DIAPH1: variants seen among roughly 807,000 people sequenced by gnomAD.
The protein encoded by DIAPH1 is protein diaphanous homolog 1.
DIAPH1 carries 46 observed loss-of-function variants against 140.7 expected under a neutral mutation model. That is an observed-to-expected ratio of 0.33 (90% confidence interval 0.26 to 0.42). The LOEUF (loss-of-function observed/expected upper bound fraction) is 0.42, where lower values mean the gene tolerates loss of function less well. Ranked by LOEUF, DIAPH1 falls within the 10% of genes least tolerant of loss-of-function variation. The probability of loss-of-function intolerance (pLI) is 1.00; values close to 1 mark genes in which losing one functional copy is unlikely to be tolerated. For missense variants in DIAPH1, 1,310 were observed against 1,558.7 expected, an observed-to-expected ratio of 0.84 and a Z score of 2.69; for synonymous variants, 565 against 551.6, an observed-to-expected ratio of 1.02 and a Z score of -0.34.
At chr5:141,605,405 AAT>A (rs1247915264) in intron 1 of DIAPH1, among the ~76,000 whole-genome samples, 4 of 152,228 alleles carry the variant, frequency 2.6e-5, no homozygotes, top group Non-Finnish European at 5.9e-5. Context: ...TTGTTTCAAA[AAT>A]ATATATGTGT....
chr5:141,557,414 G>A (rs751109168), intron 18 of DIAPH1, among the ~76,000 whole-genome samples: 4 of 152,058 alleles, frequency 2.6e-5, no homozygotes, highest in Non-Finnish European at 5.9e-5. Context: ...GTTCATACTA[G>A]TCTCTTTACA....
At chr5:141,613,721 C>T (rs1042403887) in intron 1 of DIAPH1, among the ~76,000 whole-genome samples, 1 of 152,046 alleles carries the variant, frequency 6.6e-6, no homozygotes. Flanking sequence ...TTCTCTTTTC[C>T]TTCAGTAATT....
chr5:141,576,752 T>C lies in DIAPH1; in HGVS notation c.1396+4A>G. 3.8e-6 allele frequency: 6 copies of C among 1,586,494 alleles called. No individual in the cohort carries two copies. The highest frequency in any genetic ancestry group is 5.2e-6 in the Non-Finnish European group (6 of 1,154,818). ...GGAGGAGCCAGATAGAAGAGTATGC[T>C]TACCAATTAATCCCTCAATCTCAAT... is the stretch of plus-strand genomic sequence containing the variant. On this transcript the variant is annotated splice_donor_region_variant and intron_variant, in intron 13 of 27. Transcript: ENST00000389054.
At chr5:141,615,438 A>G (rs1024144663) in intron 1 of DIAPH1, among the ~76,000 whole-genome samples, 6 of 91,286 alleles carry the variant, frequency 6.6e-5, no homozygotes, top group East Asian at 2.9e-4. Context: ...TCAGAAAAAG[A>G]AAAAAAAAAA....
intron 1 of DIAPH1, among the ~76,000 whole-genome samples, chr5:141,603,704 G>A (rs1204558115): frequency 1.3e-5 from 2 of 152,166 alleles, no homozygotes; most frequent in African/African-American, 4.8e-5. Context: ...AAAACTGTTG[G>A]TGAGTCTGCT....
chr5:141,524,103 C>A (rs772884984), intron 27 of DIAPH1, 40 bp downstream of exon 27: 35 of 1,572,260 alleles, frequency 2.2e-5, no homozygotes, highest in Non-Finnish European at 3.0e-5. Flanking sequence ...GAGCCCTCAC[C>A]CCCTTCGACA....
chr5:141,601,098 G>A (rs929119903), intron 1 of DIAPH1, among the ~76,000 whole-genome samples: 1 of 151,604 alleles, frequency 6.6e-6, no homozygotes, highest in African/African-American at 2.4e-5. Context: ...GAGAGGGGAG[G>A]GATAGCATTA....
At chr5:141,603,076 C>A (rs941459059) in intron 1 of DIAPH1, among the ~76,000 whole-genome samples, 2 of 152,092 alleles carry the variant, frequency 1.3e-5, no homozygotes, top group African/African-American at 4.8e-5. Flanking sequence ...AACTATAAAC[C>A]TAGAAAAGCT....
rs570255979 is a variant in DIAPH1, at chr5:141,601,295, T to A, written c.118-13045A>T. ...GACACAGAAAAAAAAAAAAAAGAAC[T>A]ACTCCCTCTTTTTTGAGATGAAGTA... is the stretch of plus-strand genomic sequence containing the variant. On this transcript the variant is annotated intron_variant, in intron 1 of 27. Transcript: ENST00000389054. Among the ~76,000 whole-genome samples, 1,120 of 149,980 alleles carry A rather than the reference T, an allele frequency of 7.5e-3. 18 individuals are homozygous for A. Among genetic ancestry groups the A allele is most frequent in the African/African-American group, 0.026 (1,064 of 40,910 alleles).
Position 141,573,645 on chromosome 5 carries a change from G to T in DIAPH1, c.2205C>A (p.Gly735=). 1 of 1,613,182 alleles carries T rather than the reference G, an allele frequency of 6.2e-7. No individual in the cohort carries two copies. The highest frequency in any genetic ancestry group is 8.5e-7 in the Non-Finnish European group (1 of 1,179,544). The change falls in exon 16 of 28, where the codon GGC becomes GGA. Residue 735 remains glycine, a synonymous_variant. Coordinates refer to ENST00000389054, the MANE Select transcript of DIAPH1 (RefSeq NM_005219.5). ...CGGGTGGAGGTGGAGGAATGCCAGG[G>T]CCTCCGGGAAATGGAGGAGGTGGAG... ...GIPPPPPFPG[G]PGIPPPPPGM...
chr5:141,577,757 G>C (rs886249257), intron 11 of DIAPH1, among the ~76,000 whole-genome samples, 166 bp from the exon 12 acceptor site: 1 of 152,280 alleles, frequency 6.6e-6, no homozygotes, highest in African/African-American at 2.4e-5. Context: ...TTTCTAAAAC[G>C]TCCTTTAAGG....
chr5:141,572,469 T>C (rs1218149454), intron 16 of DIAPH1, among the ~76,000 whole-genome samples: 1 of 152,116 alleles, frequency 6.6e-6, no homozygotes, highest in Non-Finnish European at 1.5e-5. Flanking sequence ...ATCACAGGCA[T>C]CTCAAACACA....
intron 1 of DIAPH1, among the ~76,000 whole-genome samples, chr5:141,589,728 A>C (rs971488262): frequency 3.3e-4 from 50 of 152,232 alleles, no homozygotes; most frequent in African/African-American, 1.2e-3. Context: ...CATGGATCAT[A>C]TGACTGTCCA....
At chr5:141,612,046 G>A (rs556527009) in intron 1 of DIAPH1, among the ~76,000 whole-genome samples, 2 of 152,192 alleles carry the variant, frequency 1.3e-5, no homozygotes, top group African/African-American at 4.8e-5. Flanking sequence ...CAGCCTGAGC[G>A]ACGAGAGTGA....
chr5:141,601,209 T>C (rs766944236), intron 1 of DIAPH1, among the ~76,000 whole-genome samples: 15 of 147,576 alleles, frequency 1.0e-4, no homozygotes, highest in Admixed American at 2.0e-4. Context: ...ACATACACCC[T>C]AGAACTTAAA....
At chr5:141,576,700 G>T in intron 13 of DIAPH1, 56 bp downstream of exon 13, 1 of 1,182,526 alleles carries the variant, frequency 8.5e-7, no homozygotes, top group Non-Finnish European at 1.3e-6. Context: ...GAAACAAGAT[G>T]CAAAATGAAA....
chr5:141,590,773 A>C (rs893174494), intron 1 of DIAPH1, among the ~76,000 whole-genome samples: 1 of 151,068 alleles, frequency 6.6e-6, no homozygotes, highest in Admixed American at 6.6e-5. Context: ...GGTAACCAGC[A>C]ACCTGTTCTT....
Position 141,528,579 on chromosome 5 carries a change from G to A in DIAPH1, c.3022C>T (p.Arg1008Ter), listed in dbSNP as rs1461242879. The change falls in exon 23 of 28, where the codon CGA (arginine) becomes TGA (stop). Residue 1008 changes from arginine (R) to a stop codon, truncating the protein, a stop_gained. Coordinates refer to ENST00000389054, the MANE Select transcript of DIAPH1 (RefSeq NM_005219.5). LOFTEE classifies it high-confidence loss of function. ...TTCTGATCTGTGGACTTGGTGTCTC[G>A]AAGCTTAGAGAAAGAGGAGAAACTG... ...GFNISFLCKL[R>*]DTKSTDQKMT... The A allele has an allele frequency of 1.2e-6, 2 of 1,614,020 alleles. No homozygotes were observed. The highest frequency in any genetic ancestry group is 1.3e-5 in the African/African-American group (1 of 74,920).
chr5:141,590,258 AAAAC>A (rs1197714438), intron 1 of DIAPH1, among the ~76,000 whole-genome samples: 3 of 152,232 alleles, frequency 2.0e-5, no homozygotes, highest in African/African-American at 4.8e-5. Context: ...GAAATAAAAT[AAAAC>A]AAACAAGCAA....
Sources: gnomAD v4.1 joint callset for allele counts (sites outside exome capture counted in the v4.1 genomes callset) on GRCh38, gnomAD v4.1.1 for gene constraint, MANE v1.5 for transcripts, NCBI Gene and HGNC (gene_info 2026-07-23, HGNC 2026-07-21) for gene names.